NELL2: variants seen among roughly 807,000 people sequenced by gnomAD.
NELL2 encodes the protein protein kinase C-binding protein NELL2.
A neutral mutation model predicts 109.6 loss-of-function variants in NELL2; 41 were observed. The ratio of observed to expected loss-of-function variants is 0.37; its 90% CI spans 0.29 to 0.49. The LOEUF (loss-of-function observed/expected upper bound fraction) is 0.49, where lower values mean the gene tolerates loss of function less well. Ranked by LOEUF, NELL2 falls within the 20% of genes least tolerant of loss-of-function variation. NELL2 has a pLI of 0.98. For missense variants in NELL2, 900 were observed against 1,008.3 expected, an observed-to-expected ratio of 0.89 and a Z score of 1.45; for synonymous variants, 355 against 344.7, an observed-to-expected ratio of 1.03 and a Z score of -0.33.
At chr12:44,581,569 A>G (rs1349533336) in intron 15 of NELL2, among the ~76,000 whole-genome samples, 5 of 152,350 alleles carry the variant, frequency 3.3e-5, no homozygotes, top group Admixed American at 1.3e-4. Flanking sequence ...ACACTTAAAA[A>G]TATTATGTAC....
intron 2 of NELL2, among the ~76,000 whole-genome samples, chr12:44,839,055 C>T (rs1944141055): frequency 6.6e-6 from 1 of 152,166 alleles, no homozygotes; most frequent in Non-Finnish European, 1.5e-5. Flanking sequence ...GTGCAACTCC[C>T]ACACCTCCCC....
chr12:44,779,829 A>T lies in NELL2; in HGVS notation c.509+20T>A. 6.2e-7 allele frequency: 1 copy of T among 1,613,714 alleles called. No individual in the cohort carries two copies. ...TTTCTTAGAATCTTCCATTTCCTAA[A>T]ATGAGGACACTACACTTACTTATTG... On this transcript the variant is annotated intron_variant, in intron 4 of 19. Transcript: ENST00000429094.
chr12:44,681,897 T>C (rs1439404961), intron 12 of NELL2, among the ~76,000 whole-genome samples: 1 of 151,670 alleles, frequency 6.6e-6, no homozygotes, highest in African/African-American at 2.4e-5. Context: ...TGTGTCTTTA[T>C]AGCAGCATGA....
At chr12:44,877,918 G>T (rs1374265569), upstream of NELL2, among the ~76,000 whole-genome samples, 3 of 152,016 alleles carry the variant, frequency 2.0e-5, no homozygotes, top group Non-Finnish European at 4.4e-5. Flanking sequence ...TCAATGAAAA[G>T]AAATTAATCA....
chr12:44,917,590 T>C (rs1171295568), upstream of NELL2, among the ~76,000 whole-genome samples: 1 of 152,194 alleles, frequency 6.6e-6, no homozygotes, highest in Non-Finnish European at 1.5e-5. Flanking sequence ...TGAACGTATG[T>C]GAGGCCTGTG....
In NELL2 at chr12:44,716,483, T is replaced by C. The variant is rs1243120706; in HGVS notation, c.995-1742A>G. On this transcript the variant is annotated intron_variant, in intron 9 of 19. Coordinates refer to ENST00000429094, the MANE Select transcript of NELL2 (RefSeq NM_001145108.2). The stretch of plus-strand genomic sequence containing the variant: ...CAGTTGCATACTATCTATCATATTA[T>C]GAATTAAAATGGTATGTGCATTTAC... Among the ~76,000 whole-genome samples, 3 of 152,184 alleles carry C rather than the reference T, an allele frequency of 2.0e-5. No homozygotes were observed. In the East Asian group the frequency reaches 5.8e-4, roughly 29 times the overall value.
At chr12:44,859,657 T>C (rs1944781725) in intron 2 of NELL2, among the ~76,000 whole-genome samples, 1 of 152,164 alleles carries the variant, frequency 6.6e-6, no homozygotes, top group Non-Finnish European at 1.5e-5. Context: ...TAATCTAGAA[T>C]AAGAGAAAGA....
intron 2 of NELL2, among the ~76,000 whole-genome samples, chr12:44,845,822 C>T (rs1944352576): frequency 6.6e-6 from 1 of 152,134 alleles, no homozygotes; most frequent in South Asian, 2.1e-4. Context: ...TGAGAGTTAT[C>T]CTGAAGAGCC....
intron 13 of NELL2, among the ~76,000 whole-genome samples, chr12:44,624,994 G>GTATATATATATATATATATATATATA: frequency 8.4e-6 from 1 of 118,692 alleles, no homozygotes; most frequent in Middle Eastern, 5.0e-3. Flanking sequence ...ATATATGTGT[G>GTATATATATATATATATATATATATA]TGTATATATA....
chr12:44,543,637 G>A (rs749093292), intron 15 of NELL2, among the ~76,000 whole-genome samples: 11 of 152,160 alleles, frequency 7.2e-5, no homozygotes, highest in Non-Finnish European at 1.5e-4. Flanking sequence ...GTATGGCTTT[G>A]TGTTAGAGTT....
At chr12:44,776,925 A>G in intron 7 of NELL2, 117 bp downstream of exon 7, 1 of 816,900 alleles carries the variant, frequency 1.2e-6, no homozygotes, top group Non-Finnish European at 2.0e-6. Context: ...ATTCAGTCCT[A>G]GCAAACAGTA....
At chr12:44,536,714 A>G (rs1277581521) in intron 15 of NELL2, among the ~76,000 whole-genome samples, 1 of 151,994 alleles carries the variant, frequency 6.6e-6, no homozygotes, top group Non-Finnish European at 1.5e-5. Context: ...TTATAATTTT[A>G]TTACATATTC....
chr12:44,633,699 T>G (rs1946535152), intron 13 of NELL2, among the ~76,000 whole-genome samples: 1 of 152,114 alleles, frequency 6.6e-6, no homozygotes, highest in South Asian at 2.1e-4. Flanking sequence ...CATATGACGT[T>G]CTCCAATATT....
intron 15 of NELL2, among the ~76,000 whole-genome samples, chr12:44,537,704 A>T (rs1463132639): frequency 6.6e-6 from 1 of 151,796 alleles, no homozygotes; most frequent in African/African-American, 2.4e-5. Flanking sequence ...TATCTGAAAC[A>T]TTTTTTTTAA....
intron 1 of NELL2, among the ~76,000 whole-genome samples, chr12:44,905,640 C>A (rs1387037312): frequency 6.6e-6 from 1 of 151,958 alleles, no homozygotes; most frequent in African/African-American, 2.4e-5. Context: ...TGTCTCTTCC[C>A]AAATTATTTT....
At position 44,554,430 on chromosome 12, in the gene NELL2, CAG is replaced by C. The variant is rs555585441; in HGVS notation, c.1664-21711_1664-21710del. 2.0e-5 allele frequency among the ~76,000 whole-genome samples: 3 copies of C among 152,112 alleles called. No individual in the cohort carries two copies. The East Asian group carries it at 5.8e-4, about 29-fold the overall frequency. On this transcript the variant is annotated intron_variant, in intron 15 of 19. Transcript: ENST00000429094. Reference sequence around the variant, plus strand: ...TAACATACAATGACAGAAAGCAAATCAGGGGTTGTCTAGGCTTAGGGGAGAGG... The same window carrying C: ...TAACATACAATGACAGAAAGCAAATCGGGTTGTCTAGGCTTAGGGGAGAGG...
chr12:44,734,591 T>A (rs1939542085), intron 9 of NELL2, among the ~76,000 whole-genome samples: 1 of 151,902 alleles, frequency 6.6e-6, no homozygotes, highest in Non-Finnish European at 1.5e-5. Context: ...GCTCATTCAA[T>A]TTTCCCCTAC....
chr12:44,720,646 C>A (rs972910620), intron 9 of NELL2, among the ~76,000 whole-genome samples: 4 of 152,144 alleles, frequency 2.6e-5, no homozygotes, highest in Non-Finnish European at 5.9e-5. Context: ...CTATATAAAA[C>A]CAGTTTTTGT....
intron 15 of NELL2, among the ~76,000 whole-genome samples, chr12:44,592,449 C>T (rs1291207930): frequency 6.6e-6 from 1 of 152,114 alleles, no homozygotes; most frequent in East Asian, 1.9e-4. Context: ...TTGTTTCCCT[C>T]TTCCCAGAGC....
Sources: gnomAD v4.1 joint callset for allele counts (sites outside exome capture counted in the v4.1 genomes callset) on GRCh38, gnomAD v4.1.1 for gene constraint, MANE v1.5 for transcripts, NCBI Gene and HGNC (gene_info 2026-07-23, HGNC 2026-07-21) for gene names.